The following RMDN2 variants were observed in gnomAD, a reference collection of about 807,000 sequenced individuals.
RMDN2 encodes regulator of microtubule dynamics protein 2.
RMDN2 carries 61 observed loss-of-function variants against 52.8 expected under a neutral mutation model. That is an observed-to-expected ratio of 1.16 (90% CI 0.94 to 1.43). The LOEUF (loss-of-function observed/expected upper bound fraction) is 1.43, where lower values mean the gene tolerates loss of function less well. RMDN2 is among the 40% of genes most tolerant of loss of function. RMDN2 has a pLI of 0.00. For missense variants in RMDN2, 592 were observed against 475.3 expected, an observed-to-expected ratio of 1.25 and a Z score of -2.28; for synonymous variants, 180 against 153.1, an observed-to-expected ratio of 1.18 and a Z score of -1.30.
At chr2:37,963,254 T>G (rs553088813) in intron 2 of RMDN2, 3 of 151,804 alleles carry the variant, frequency 2.0e-5, no homozygotes, top group East Asian at 1.9e-4. Context: ...AGCCTGAGCT[T>G]CTCCAGGTGC....
At chr2:38,033,584 T>C (rs1295200473) in intron 10 of RMDN2, among the ~76,000 whole-genome samples, 1 of 152,252 alleles carries the variant, frequency 6.6e-6, no homozygotes, top group East Asian at 1.9e-4. Flanking sequence ...TGAATTGTTA[T>C]CTACTCCATG....
At chr2:38,050,343 C>T (rs527972785) in intron 10 of RMDN2, among the ~76,000 whole-genome samples, 26 of 150,838 alleles carry the variant, frequency 1.7e-4, no homozygotes, top group Middle Eastern at 6.8e-3. Flanking sequence ...TAAGTATCCC[C>T]TATTAAAAAA....
intron 10 of RMDN2, chr2:38,035,844 T>G (rs1020923712): frequency 3.3e-5 from 5 of 152,140 alleles, no homozygotes; most frequent in Admixed American, 1.3e-4. Context: ...GTTCTGTCTT[T>G]CCCAATGTTA....
At chr2:37,925,890 G>C (rs1044024839) in intron 1 of RMDN2, among the ~76,000 whole-genome samples, 1 of 152,212 alleles carries the variant, frequency 6.6e-6, no homozygotes, top group South Asian at 2.1e-4. Flanking sequence ...ACACAAAAAC[G>C]AAGGCCGGAT....
intron 2 of RMDN2, among the ~76,000 whole-genome samples, chr2:37,955,042 T>A (rs1163790468): frequency 6.6e-6 from 1 of 152,168 alleles, no homozygotes; most frequent in African/African-American, 2.4e-5. Flanking sequence ...ATATGTTGAT[T>A]TTCTATCCTG....
intron 5 of RMDN2, among the ~76,000 whole-genome samples, chr2:37,988,160 G>A (rs1445486860): frequency 1.3e-5 from 2 of 152,218 alleles, no homozygotes; most frequent in African/African-American, 2.4e-5. Flanking sequence ...GAACCTAAAA[G>A]TGCTCCAAAA....
chr2:37,936,022 T>C (rs1667258134), intron 2 of RMDN2, among the ~76,000 whole-genome samples: 1 of 152,100 alleles, frequency 6.6e-6, no homozygotes, highest in African/African-American at 2.4e-5. Flanking sequence ...CTATGTTAGG[T>C]AATTGTCCTA....
upstream of RMDN2, among the ~76,000 whole-genome samples, chr2:37,921,815 T>C (rs1353426664): frequency 2.0e-5 from 3 of 152,218 alleles, no homozygotes; most frequent in Non-Finnish European, 4.4e-5. Context: ...GAAGCCTTGG[T>C]TTCCTCACCT....
At chr2:37,943,006 C>A (rs1667926650) in intron 2 of RMDN2, among the ~76,000 whole-genome samples, 1 of 152,198 alleles carries the variant, frequency 6.6e-6, no homozygotes, top group Non-Finnish European at 1.5e-5. Context: ...CCTTCCTGGG[C>A]AGGACTTGCT....
At chr2:38,038,442 C>A (rs60131672) in intron 10 of RMDN2, among the ~76,000 whole-genome samples, 3,072 of 152,284 alleles carry the variant, frequency 0.02, 97 homozygotes, top group African/African-American at 0.07. Context: ...AAAACTGATA[C>A]CCCGTATTGA....
At chr2:37,981,717 G>C (rs907773700) in intron 5 of RMDN2, among the ~76,000 whole-genome samples, 2 of 152,054 alleles carry the variant, frequency 1.3e-5, no homozygotes, top group African/African-American at 4.8e-5. Context: ...ATGCATTGAT[G>C]CATCGTAATA....
chr2:37,962,471 T>C (rs1670373825), intron 2 of RMDN2, among the ~76,000 whole-genome samples: 1 of 152,216 alleles, frequency 6.6e-6, no homozygotes, highest in African/African-American at 2.4e-5. Flanking sequence ...TCCGAACTTC[T>C]GGTGGCTTTG....
intron 2 of RMDN2, among the ~76,000 whole-genome samples, chr2:37,937,468 A>C (rs1667403742): frequency 6.6e-6 from 1 of 152,204 alleles, no homozygotes; most frequent in Admixed American, 6.5e-5. Context: ...ATAGCATTGA[A>C]TCTGTAAATT....
chr2:37,948,559 A>G (rs919482148), intron 2 of RMDN2, among the ~76,000 whole-genome samples: 1 of 152,188 alleles, frequency 6.6e-6, no homozygotes, highest in Non-Finnish European at 1.5e-5. Flanking sequence ...GCTTGTCATT[A>G]TAAGGGGTTA....
upstream of RMDN2, among the ~76,000 whole-genome samples, chr2:37,921,972 G>A (rs1193517853): frequency 2.0e-5 from 3 of 152,200 alleles, no homozygotes; most frequent in Admixed American, 1.3e-4. Flanking sequence ...GTTTACAAAT[G>A]ATTCGGGGAA....
chr2:38,016,495 C>T (rs933323399), intron 10 of RMDN2, among the ~76,000 whole-genome samples: 24 of 152,262 alleles, frequency 1.6e-4, no homozygotes, highest in African/African-American at 5.3e-4. Context: ...TAAACAACAC[C>T]GTGAATTAAC....
chr2:37,969,172 T>C (rs1032114997), intron 2 of RMDN2, among the ~76,000 whole-genome samples: 47 of 152,200 alleles, frequency 3.1e-4, no homozygotes, highest in African/African-American at 1.1e-3. Flanking sequence ...AGTTCTGATA[T>C]TGGTTCTTCA....
At chr2:37,933,364 C>T (rs1453642398) in intron 2 of RMDN2, among the ~76,000 whole-genome samples, 5 of 152,132 alleles carry the variant, frequency 3.3e-5, no homozygotes, top group Non-Finnish European at 4.4e-5. Flanking sequence ...ACTTCCCAGA[C>T]GGGGTGGCGG....
chr2:37,962,156 G>A (rs1407979479), intron 2 of RMDN2, among the ~76,000 whole-genome samples: 6 of 152,198 alleles, frequency 3.9e-5, no homozygotes, highest in African/African-American at 1.2e-4. Flanking sequence ...CTCCTCGTCC[G>A]GAGGCACAAG....
Sources: gnomAD v4.1 joint callset for allele counts (sites outside exome capture counted in the v4.1 genomes callset) on GRCh38, gnomAD v4.1.1 for gene constraint, MANE v1.5 for transcripts, NCBI Gene and HGNC (gene_info 2026-07-23, HGNC 2026-07-21) for gene names.